MYO1H: variants seen among roughly 807,000 people sequenced by gnomAD.
MYO1H encodes myosin IH, also known as unconventional myosin-Ih.
In MYO1H, 118 loss-of-function variants were observed where a neutral mutation model predicts 149.3. The observed-to-expected ratio is 0.79, with a 90% CI of 0.68 to 0.92. MYO1H has a LOEUF of 0.92. MYO1H is among the 40% of genes least tolerant of loss of function. MYO1H has a pLI of 0.00. For synonymous variants in MYO1H, 447 were observed against 465.2 expected, an observed-to-expected ratio of 0.96 and a Z score of 0.50; for missense variants, 1,212 against 1,280.7, an observed-to-expected ratio of 0.95 and a Z score of 0.82.
chr12:109,355,170 C>T (rs922148855), intron 1 of MYO1H, among the ~76,000 whole-genome samples: 36 of 152,190 alleles, frequency 2.4e-4, no homozygotes, highest in African/African-American at 7.0e-4. Context: ...TGTGAGCCCC[C>T]TTTTCTACCC....
chr12:109,404,048 T>C lies in MYO1H; in HGVS notation c.817T>C (p.Ser273Pro), dbSNP rs1207379075. 1.2e-6 allele frequency: 2 copies of C among 1,613,644 alleles called. No homozygotes were observed. The highest frequency in any genetic ancestry group is 2.7e-5 in the African/African-American group (2 of 74,918). The change falls in exon 7 of 32, where the codon TCT becomes CCT. Residue 273 changes from serine (S) to proline (P), a missense_variant. Transcript: ENST00000310903. Reference sequence around the variant, plus strand: ...CTGGAAAACTGTTTCCAACGCCTTTTCTGTCATTGATTTTACTGAAGCTGA... The same window carrying C: ...CTGGAAAACTGTTTCCAACGCCTTTCCTGTCATTGATTTTACTGAAGCTGA...
intron 27 of MYO1H, among the ~76,000 whole-genome samples, chr12:109,443,082 G>GTATATGTGTATATATGTGTATGTA (rs146003134): frequency 4.0e-5 from 2 of 49,668 alleles, no homozygotes; most frequent in East Asian, 9.3e-4. Flanking sequence ...ATATGTGTAC[G>GTATATGTGTATATATGTGTATGTA]TATGTGTGTA....
At chr12:109,395,606 G>A (rs1322120806) in intron 3 of MYO1H, among the ~76,000 whole-genome samples, 1 of 88,074 alleles carries the variant, frequency 1.1e-5, no homozygotes, top group East Asian at 5.2e-4. Context: ...TGGTAGTGCT[G>A]CACTTATAAT....
intron 10 of MYO1H, among the ~76,000 whole-genome samples, chr12:109,408,911 TC>T (rs1440483055): frequency 6.6e-6 from 1 of 152,128 alleles, no homozygotes; most frequent in East Asian, 1.9e-4. Flanking sequence ...TGCCTCAAAC[TC>T]CCAAGTAGTG....
exon 2 of MYO1H, chr12:109,388,691 C>G (rs374724684): frequency 5.1e-6 from 8 of 1,569,918 alleles, no homozygotes; most frequent in Admixed American, 3.7e-5. Context: ...AGAAAGAAGA[C>G]GTGAGGAGGA....
chr12:109,423,417 C>G (rs1175229595), intron 16 of MYO1H, among the ~76,000 whole-genome samples: 1 of 152,222 alleles, frequency 6.6e-6, no homozygotes, highest in African/African-American at 2.4e-5. Flanking sequence ...CCGCCTTGGT[C>G]TCCCAATGTG....
chr12:109,328,969 CT>C, the MYO1H span, among the ~76,000 whole-genome samples: 1 of 151,468 alleles, frequency 6.6e-6, no homozygotes, highest in African/African-American at 2.4e-5. Context: ...AGTGATGAGA[CT>C]TTTGTTCCTA....
intron 15 of MYO1H, among the ~76,000 whole-genome samples, chr12:109,417,114 T>C (rs1310014560): frequency 6.6e-6 from 1 of 152,052 alleles, no homozygotes; most frequent in African/African-American, 2.4e-5. Context: ...GAGGTTGCAG[T>C]GAGCTGAGAT....
At chr12:109,378,645 A>G (rs992392825) in intron 1 of MYO1H, among the ~76,000 whole-genome samples, 2 of 152,152 alleles carry the variant, frequency 1.3e-5, no homozygotes, top group African/African-American at 4.8e-5. Flanking sequence ...CCCACCAACA[A>G]TGGATGAGGG....
At chr12:109,371,078 T>C (rs1386397094) in intron 1 of MYO1H, among the ~76,000 whole-genome samples, 2 of 152,202 alleles carry the variant, frequency 1.3e-5, no homozygotes, top group African/African-American at 2.4e-5. Flanking sequence ...CTAACAGGTA[T>C]ATATAACAAA....
chr12:109,443,084 A>ATATG (rs1555255565), intron 27 of MYO1H, among the ~76,000 whole-genome samples: 1 of 77,010 alleles, frequency 1.3e-5, no homozygotes, highest in East Asian at 4.0e-4. Context: ...ATGTGTACGT[A>ATATG]TGTGTGTATA....
intron 1 of MYO1H, among the ~76,000 whole-genome samples, chr12:109,371,536 G>A (rs535386502): frequency 3.9e-5 from 6 of 152,146 alleles, no homozygotes; most frequent in Admixed American, 1.3e-4. Context: ...CTTACAAATG[G>A]TAGCATTCTA....
chr12:109,446,584 T>C (rs1172193827), intron 31 of MYO1H: 4 of 347,290 alleles, frequency 1.2e-5, no homozygotes, highest in Non-Finnish European at 1.6e-5. Context: ...GCCAACATGG[T>C]GAACTCCGTC....
At chr12:109,347,053 A>G (rs2048104974), upstream of MYO1H, among the ~76,000 whole-genome samples, 1 of 152,182 alleles carries the variant, frequency 6.6e-6, no homozygotes, top group Non-Finnish European at 1.5e-5. Flanking sequence ...AATGGGATTA[A>G]TAAATGAAAT....
At chr12:109,432,365 C>T (rs953568103) in intron 19 of MYO1H, among the ~76,000 whole-genome samples, 5 of 152,170 alleles carry the variant, frequency 3.3e-5, no homozygotes, top group Non-Finnish European at 7.3e-5. Flanking sequence ...TCAAGTGATC[C>T]TCCTGCCTTG....
At chr12:109,311,823 A>G in the MYO1H span, among the ~76,000 whole-genome samples, 3 of 152,234 alleles carry the variant, frequency 2.0e-5, no homozygotes, top group East Asian at 1.9e-4. Flanking sequence ...ACACAAACCC[A>G]GTTTACCAGA....
chr12:109,399,831 C>G (rs559554435), intron 5 of MYO1H, among the ~76,000 whole-genome samples: 1 of 152,176 alleles, frequency 6.6e-6, no homozygotes, highest in East Asian at 1.9e-4. Context: ...GGGAGAATTG[C>G]TTGAGCCCAG....
At chr12:109,312,125 GTGTT>G in the MYO1H span, among the ~76,000 whole-genome samples, 3 of 152,234 alleles carry the variant, frequency 2.0e-5, no homozygotes, top group Admixed American at 1.3e-4. Flanking sequence ...TGTAGAAACA[GTGTT>G]TGTACTGAAG....
the MYO1H span, among the ~76,000 whole-genome samples, chr12:109,315,856 A>G: frequency 0.014 from 2,109 of 152,364 alleles, 37 homozygotes; most frequent in East Asian, 0.062. Flanking sequence ...AAAAATTGTC[A>G]GTAGCTAATA....
Sources: gnomAD v4.1 joint callset for allele counts (sites outside exome capture counted in the v4.1 genomes callset) on GRCh38, gnomAD v4.1.1 for gene constraint, MANE v1.5 for transcripts, NCBI Gene and HGNC (gene_info 2026-07-23, HGNC 2026-07-21) for gene names.